The following POLR3B variants were observed in gnomAD, a reference collection of about 807,000 sequenced individuals.
POLR3B encodes the protein DNA-directed RNA polymerase III subunit RPC2.
Under a neutral mutation model 147.4 loss-of-function variants are expected in POLR3B, and 96 were observed. The observed-to-expected ratio is 0.65, with a 90% confidence interval of 0.55 to 0.77. The LOEUF (loss-of-function observed/expected upper bound fraction) is 0.77, where lower values mean the gene tolerates loss of function less well. Among genes scored for constraint, POLR3B ranks in the 30% least tolerant of loss-of-function variants. The probability of loss-of-function intolerance (pLI) is 0.00; values close to 1 mark genes in which losing one functional copy is unlikely to be tolerated. For missense variants in POLR3B, 1,036 were observed against 1,413.5 expected, an observed-to-expected ratio of 0.73 and a Z score of 4.28; for synonymous variants, 461 against 485.9, an observed-to-expected ratio of 0.95 and a Z score of 0.67.
chr12:106,479,442 G>A (rs528269129), intron 23 of POLR3B, among the ~76,000 whole-genome samples: 15 of 150,376 alleles, frequency 1.0e-4, no homozygotes, highest in South Asian at 8.4e-4. Flanking sequence ...GTGCAGTGGC[G>A]CAATCTTGGC....
chr12:106,493,302 C>G (rs2038430366), intron 23 of POLR3B, among the ~76,000 whole-genome samples: 1 of 152,142 alleles, frequency 6.6e-6, no homozygotes, highest in Non-Finnish European at 1.5e-5. Flanking sequence ...ATGCCTCTGT[C>G]CCTGGAGAAA....
chr12:106,416,301 A>G (rs1386104201), intron 12 of POLR3B, among the ~76,000 whole-genome samples: 1 of 152,216 alleles, frequency 6.6e-6, no homozygotes, highest in Admixed American at 6.5e-5. Context: ...GAAATTGCAT[A>G]CACACCACTA....
chr12:106,506,384 C>T (rs1238869104), intron 27 of POLR3B, among the ~76,000 whole-genome samples: 1 of 152,040 alleles, frequency 6.6e-6, no homozygotes, highest in Admixed American at 6.6e-5. Context: ...TCTTCCTCCC[C>T]CTTGCATTCT....
chr12:106,509,586 A>G lies in POLR3B; in HGVS notation c.*37A>G, dbSNP rs1165376058. On this transcript the variant is annotated 3_prime_UTR_variant, in exon 28 of 28. Coordinates refer to ENST00000228347, the MANE Select transcript of POLR3B (RefSeq NM_018082.6). ...ATGATTATTAAAGAGAACAAGTGAT[A>G]CATCCAATGCAACGGAAAGCAGAAG... 1.3e-6 allele frequency: 2 copies of G among 1,582,298 alleles called. No individual in the cohort carries two copies. Among genetic ancestry groups the G allele is most frequent in the African/African-American group, 1.3e-5 (1 of 74,378 alleles).
At chr12:106,426,222 T>TTTTGTG (rs1555213088) in intron 12 of POLR3B, among the ~76,000 whole-genome samples, 1 of 131,130 alleles carries the variant, frequency 7.6e-6, no homozygotes, top group African/African-American at 3.0e-5. Flanking sequence ...GGCCTGCAAT[T>TTTTGTG]TGTGTGTGTG....
Position 106,357,920 on chromosome 12 carries a change from A to G in POLR3B, c.41A>G (p.Glu14Gly), listed in dbSNP as rs779069189. 2 of 1,613,326 alleles carry G rather than the reference A, an allele frequency of 1.2e-6. No individual in the cohort carries two copies. The highest frequency in any genetic ancestry group is 1.3e-5 in the African/African-American group (1 of 74,900). ...GAGGAGTTTGGGAACCTGACTCCGG[A>G]GCAGCTGGCGGCGCCGATCCCGACT... ...LAEEFGNLTP[E>G]QLAAPIPTVE... Residue 14 changes from glutamate (E) to glycine (G), a missense_variant, in exon 1 of 28, where the codon GAG becomes GGG. Physicochemically the swap from Glu to Gly is moderately conservative, Grantham distance 98. This residue lies in a region of POLR3B where 150 missense variants were observed against 145.5 expected (regional missense o/e 1.03). Coordinates refer to ENST00000228347, the MANE Select transcript of POLR3B (RefSeq NM_018082.6).
rs989968828 is a variant in POLR3B at position 106,433,640 on chromosome 12, A to G, written c.1628-79A>G. The G allele has an allele frequency of 2.9e-4, 347 of 1,183,798 alleles. 1 individual carries two copies. Among genetic ancestry groups the G allele is most frequent in the Admixed American group, 1.6e-4 (8 of 51,008 alleles). 73.3% of individuals were successfully genotyped at this position (1,183,798 alleles called of 1,614,324 possible). On this transcript the variant is annotated intron_variant, in intron 15 of 27. Transcript: ENST00000228347. ...AAATAACTGCTTAGTGCTGATTACTATTTTTATTGGTTGGATATATTAAAT... is the reference window on the plus strand; with the variant it reads ...AAATAACTGCTTAGTGCTGATTACTGTTTTTATTGGTTGGATATATTAAAT...
At chr12:106,425,807 C>T (rs2136996969) in intron 12 of POLR3B, among the ~76,000 whole-genome samples, 1 of 152,254 alleles carries the variant, frequency 6.6e-6, no homozygotes, top group African/African-American at 2.4e-5. Flanking sequence ...TATTTGCATC[C>T]TAACTTTTCT....
chr12:106,490,399 T>C (rs1316635688), intron 23 of POLR3B, among the ~76,000 whole-genome samples: 3 of 152,234 alleles, frequency 2.0e-5, no homozygotes, highest in East Asian at 1.9e-4. Flanking sequence ...CAACTGCTCA[T>C]GGGAAAGCCG....
At chr12:106,371,852 A>C (rs896031418) in intron 6 of POLR3B, among the ~76,000 whole-genome samples, 6 of 151,184 alleles carry the variant, frequency 4.0e-5, no homozygotes, top group Non-Finnish European at 8.8e-5. Flanking sequence ...TGACGAGTTA[A>C]TGGGTGCAGC....
chr12:106,394,993 T>C (rs541114343), intron 10 of POLR3B, among the ~76,000 whole-genome samples: 1 of 152,348 alleles, frequency 6.6e-6, no homozygotes, highest in East Asian at 1.9e-4. Flanking sequence ...GTACACTTTA[T>C]ATTAGTCTGT....
intron 20 of POLR3B, among the ~76,000 whole-genome samples, chr12:106,455,045 G>C (rs1333068616): frequency 2.0e-5 from 3 of 152,178 alleles, no homozygotes; most frequent in Admixed American, 1.3e-4. Context: ...TTTTCACTGT[G>C]TCTAGTGATA....
intron 27 of POLR3B, among the ~76,000 whole-genome samples, chr12:106,507,143 G>A (rs116477389): frequency 0.017 from 2,513 of 152,202 alleles, 73 homozygotes; most frequent in African/African-American, 0.058. Context: ...CCCTATTAAG[G>A]TAATTAGCTC....
At position 106,454,554 on chromosome 12, in the gene POLR3B, A is replaced by C; in HGVS notation, c.2136A>C (p.Leu712=). The change falls in exon 20 of 28, where the codon CTA becomes CTC. Residue 712 remains leucine (L), a synonymous_variant. Coordinates refer to ENST00000228347, the MANE Select transcript of POLR3B (RefSeq NM_018082.6). ...GAATTGATACTCTCATGTATCTACT[A>C]GCATATCCACAAAAACCCATGGTTA... is the stretch of plus-strand genomic sequence containing the variant. The part of the protein sequence containing the change: ...RNRIDTLMYL[L]AYPQKPMVKT... The C allele has an allele frequency of 6.2e-7, 1 of 1,608,830 alleles. No homozygotes were observed. Among genetic ancestry groups the C allele is most frequent in the Non-Finnish European group, 8.5e-7 (1 of 1,175,300 alleles).
chr12:106,358,048 T>C, intron 1 of POLR3B, 97 bp downstream of exon 1: 1 of 1,561,930 alleles, frequency 6.4e-7, no homozygotes, highest in Non-Finnish European at 8.6e-7. Context: ...GGGCTGGCGG[T>C]TTGTGCGCAT....
chr12:106,432,193 G>A, intron 14 of POLR3B, 125 bp from the exon 15 acceptor site: 1 of 806,296 alleles, frequency 1.2e-6, no homozygotes. Context: ...AATCACCACA[G>A]TATCCCCTAC....
At chr12:106,446,259 C>T (rs915893416) in intron 19 of POLR3B, 10 of 455,748 alleles carry the variant, frequency 2.2e-5, no homozygotes, top group East Asian at 6.9e-5. Context: ...GCAGAATTAA[C>T]GGAAGACTAA....
In POLR3B at chr12:106,393,136, A is replaced by AT. The variant is rs1261509815; in HGVS notation, c.833dup (p.Thr279HisfsTer46). 1.2e-6 allele frequency: 2 copies of AT among 1,614,150 alleles called. No individual in the cohort carries two copies. Among genetic ancestry groups the AT allele is most frequent in the Admixed American group, 1.7e-5 (1 of 60,006 alleles). On this transcript the variant is annotated frameshift_variant, in exon 10 of 28. Transcript: ENST00000228347. LOFTEE classifies it high-confidence loss of function. Reference sequence around the variant, plus strand: ...TCTGGAAGAGTGCCAGAAAGCTCAGATTTTCACACAGATGCAGGTGTGTCT... The same window carrying AT: ...TCTGGAAGAGTGCCAGAAAGCTCAGATTTTTCACACAGATGCAGGTGTGTCT...
intron 19 of POLR3B, among the ~76,000 whole-genome samples, chr12:106,449,105 A>G (rs1014144142): frequency 6.6e-6 from 1 of 152,196 alleles, no homozygotes; most frequent in Non-Finnish European, 1.5e-5. Flanking sequence ...TTGCATATAC[A>G]TAATAAGATA....
Sources: gnomAD v4.1 joint callset for allele counts (sites outside exome capture counted in the v4.1 genomes callset) on GRCh38, gnomAD v4.1.1 for gene constraint, gnomAD v4.1.1 regional missense constraint, MANE v1.5 for transcripts, NCBI Gene and HGNC (gene_info 2026-07-23, HGNC 2026-07-21) for gene names.